The following DYNC2I1 variants were observed in gnomAD, a reference collection of about 807,000 sequenced individuals.
DYNC2I1 encodes the protein dynein 2 intermediate chain 1.
Under a neutral mutation model 133.4 loss-of-function variants are expected in DYNC2I1, and 89 were observed. That is an observed-to-expected ratio of 0.67 (90% CI 0.56 to 0.80). The LOEUF (loss-of-function observed/expected upper bound fraction) is 0.80. DYNC2I1 is among the 30% of genes least tolerant of loss of function. The pLI, the probability that DYNC2I1 is intolerant of heterozygous loss-of-function variation, is 0.00. For synonymous variants in DYNC2I1, 504 were observed against 484.3 expected, an observed-to-expected ratio of 1.04 and a Z score of -0.54; for missense variants, 1,291 against 1,314.5, an observed-to-expected ratio of 0.98 and a Z score of 0.28.
chr7:158,889,698 C>A (rs1585047465), intron 7 of DYNC2I1, among the ~76,000 whole-genome samples: 1 of 151,674 alleles, frequency 6.6e-6, no homozygotes, highest in Admixed American at 6.6e-5. Context: ...ATAAAAACAA[C>A]AACAACAACA....
chr7:158,950,770 A>G (rs2730211), downstream of DYNC2I1, among the ~76,000 whole-genome samples: 9 of 61,340 alleles, frequency 1.5e-4, no homozygotes, highest in Admixed American at 5.4e-4. Flanking sequence ...GCCTCTATAC[A>G]ATTCCAGGTG....
rs115070314 is a variant in DYNC2I1 at position 158,926,428 on chromosome 7, G to A, written c.2398G>A (p.Ala800Thr). Reference sequence around the variant, plus strand: ...AATGTCAGGTTTGTCCTTCCACATCGCTTCCTTGGATGAGAGTGGGGTTCT... The same window carrying A: ...AATGTCAGGTTTGTCCTTCCACATCACTTCCTTGGATGAGAGTGGGGTTCT... ...EEMSGLSFHIASLDESGVLNV... is the reference protein window; with the variant it reads ...EEMSGLSFHITSLDESGVLNV... Residue 800 changes from alanine to threonine, a missense_variant, in exon 19 of 25, where the codon GCT becomes ACT. Coordinates refer to ENST00000407559, the MANE Select transcript of DYNC2I1 (RefSeq NM_018051.5). 2.8e-4 allele frequency: 451 copies of A among 1,613,324 alleles called. 1 individual carries two copies. Among genetic ancestry groups the A allele is most frequent in the African/African-American group, 1.2e-3 (88 of 75,028 alleles).
intron 1 of DYNC2I1, among the ~76,000 whole-genome samples, chr7:158,864,701 T>A (rs1293510745): frequency 6.6e-6 from 1 of 151,978 alleles, no homozygotes; most frequent in East Asian, 1.9e-4. Flanking sequence ...AGATGGGGTC[T>A]TGCTGTGTTG....
rs1259230058 is a variant in DYNC2I1, at chr7:158,896,985, C to CTTT, written c.1060-4740_1060-4738dup. The stretch of plus-strand genomic sequence containing the variant: ...GAGAGTGTAAAGAATTGTATAATTT[C>CTTT]TTTTTTTTTTTTTTTTGAGACAGAG... On this transcript the variant is annotated intron_variant, in intron 8 of 24. Transcript: ENST00000407559. Among the ~76,000 whole-genome samples, 108 of 131,208 alleles carry CTTT rather than the reference C, an allele frequency of 8.2e-4. 1 individual carries two copies. Among genetic ancestry groups the CTTT allele is most frequent in the African/African-American group, 2.9e-3 (103 of 35,372 alleles). The allele number at this position is 131,208 out of a possible 152,430, so 86.1% of individuals were successfully genotyped here.
intron 1 of DYNC2I1, among the ~76,000 whole-genome samples, chr7:158,863,224 T>G (rs1252864408): frequency 6.6e-6 from 1 of 152,014 alleles, no homozygotes; most frequent in East Asian, 1.9e-4. Flanking sequence ...TAGTGCATTT[T>G]TACAGAGTGC....
rs1376078685 is a variant in DYNC2I1, at chr7:158,934,541, A to G, written c.2770A>G (p.Ile924Val). 9.7e-6 allele frequency: 15 copies of G among 1,551,912 alleles called. No homozygotes were observed. The highest frequency in any genetic ancestry group is 4.9e-5 in the East Asian group (2 of 41,086). ...VIDFSPFGEP[I>V]FLAGCSDGSI... Reference sequence around the variant, plus strand: ...TGATTTTTCACCATTTGGAGAACCAATATTTTTGGTAAGAAAGTTTGTTTT... The same window carrying G: ...TGATTTTTCACCATTTGGAGAACCAGTATTTTTGGTAAGAAAGTTTGTTTT... Residue 924 changes from isoleucine (I) to valine (V), a missense_variant, in exon 23 of 25, where the codon ATA (isoleucine) becomes GTA (valine). By Grantham distance (29) the Ile-to-Val change is conservative. Transcript: ENST00000407559.
At chr7:158,911,718 G>C in intron 12 of DYNC2I1, 39 bp downstream of exon 12, 1 of 1,573,910 alleles carries the variant, frequency 6.4e-7, no homozygotes. Context: ...TAAAATGCAA[G>C]TAAAGTCTAG....
At chr7:158,931,340 A>G (rs528472592) in intron 21 of DYNC2I1, among the ~76,000 whole-genome samples, 4 of 152,246 alleles carry the variant, frequency 2.6e-5, no homozygotes, top group East Asian at 1.9e-4. Context: ...TAATCAGAAA[A>G]CCTGTGGGTT....
downstream of DYNC2I1, among the ~76,000 whole-genome samples, chr7:158,946,491 TGCCCTCTGCTTTCCGCAGTACCTCATG>T (rs1324085067): frequency 6.6e-6 from 1 of 152,252 alleles, no homozygotes; most frequent in Non-Finnish European, 1.5e-5. Context: ...TCTGGTCAGC[TGCCCTCTGCTTTCCGCAGTACCTCATG>T]GCTGTGCCCT....
In DYNC2I1 at chr7:158,860,356, G is replaced by A. The variant is rs28676650; in HGVS notation, c.15+3606G>A. Among the ~76,000 whole-genome samples the A allele has an allele frequency of 3.6e-3, 548 of 152,298 alleles. 9 individuals are homozygous for A. Among genetic ancestry groups the A allele is most frequent in the African/African-American group, 0.012 (494 of 41,582 alleles). On this transcript the variant is annotated intron_variant, in intron 1 of 24. Coordinates refer to ENST00000407559, the MANE Select transcript of DYNC2I1 (RefSeq NM_018051.5). ...TTACAGGCGTGAGCCATCTCACCCCGCTGGTATTATAGCTTTTAGTATACA... is the reference window on the plus strand; with the variant it reads ...TTACAGGCGTGAGCCATCTCACCCCACTGGTATTATAGCTTTTAGTATACA...
intron 5 of DYNC2I1, among the ~76,000 whole-genome samples, chr7:158,883,668 T>A (rs1403090782): frequency 1.4e-5 from 2 of 143,136 alleles, no homozygotes; most frequent in African/African-American, 5.2e-5. Flanking sequence ...CTTTTTTTTT[T>A]TTTTTTTTTT....
At chr7:158,866,270 C>T (rs991876808) in intron 1 of DYNC2I1, among the ~76,000 whole-genome samples, 30 of 151,978 alleles carry the variant, frequency 2.0e-4, no homozygotes, top group Admixed American at 1.6e-3. Context: ...GGTGTCCCCT[C>T]TCTGTGGTGC....
chr7:158,856,887 G>T (rs1841300826), intron 1 of DYNC2I1, 137 bp downstream of exon 1: 2 of 1,042,552 alleles, frequency 1.9e-6, no homozygotes, highest in East Asian at 6.7e-5. Flanking sequence ...GAGGAGCCGC[G>T]GTGCCTCCGA....
chr7:158,934,584 C>CT (rs1339703319), intron 23 of DYNC2I1, 35 bp downstream of exon 23: 13 of 1,545,394 alleles, frequency 8.4e-6, no homozygotes, highest in South Asian at 7.2e-5. Flanking sequence ...TCCAATTCTT[C>CT]TTTTTTTGTT....
At position 158,931,569 on chromosome 7, in the gene DYNC2I1, T is replaced by G. The variant is rs2129487623; in HGVS notation, c.2546+1054T>G. 1.3e-5 allele frequency among the ~76,000 whole-genome samples: 2 copies of G among 152,342 alleles called. 1 individual carries two copies. The highest frequency in any genetic ancestry group is 4.1e-4 in the South Asian group (2 of 4,822). ...CGACTTTTTATCTCTGCTAGGGCCC[T>G]TATTGCTTTATATGGTGCATTGTAT... On this transcript the variant is annotated intron_variant, in intron 21 of 24. Coordinates refer to ENST00000407559, the MANE Select transcript of DYNC2I1 (RefSeq NM_018051.5).
chr7:158,866,220 G>A (rs188497469), intron 1 of DYNC2I1, among the ~76,000 whole-genome samples: 4 of 152,056 alleles, frequency 2.6e-5, no homozygotes, highest in Admixed American at 2.6e-4. Context: ...CCTGTGTGCA[G>A]CGCCCACGTC....
At chr7:158,856,878 A>T (rs1431089582) in intron 1 of DYNC2I1, 128 bp downstream of exon 1, 2 of 1,111,600 alleles carry the variant, frequency 1.8e-6, no homozygotes, top group Non-Finnish European at 2.3e-6. Flanking sequence ...GGCTTCCCGG[A>T]GGAGCCGCGG....
rs375082266 is a variant in DYNC2I1, at chr7:158,871,543, G to C, written c.471G>C (p.Ala157=). ...GCGACCGGCAGCTCCTGGAGCGGGC[G>C]GAGAGGAAAGGCCGCTCAGGTGGGT... ...ETRDRQLLER[A]ERKGRSVSKV... is the part of the protein sequence containing the mutation. The change falls in exon 3 of 25, where the codon GCG becomes GCC. Residue 157 remains alanine, a synonymous_variant. Coordinates refer to ENST00000407559, the MANE Select transcript of DYNC2I1 (RefSeq NM_018051.5). The C allele has an allele frequency of 4.2e-5, 64 of 1,539,706 alleles. No homozygotes were observed. In the African/African-American group the frequency reaches 8.1e-4, roughly 20 times the overall value.
intron 17 of DYNC2I1, among the ~76,000 whole-genome samples, chr7:158,925,392 T>C (rs980916086): frequency 1.3e-5 from 2 of 152,220 alleles, no homozygotes; most frequent in East Asian, 1.9e-4. Context: ...TGTTTTGATA[T>C]GTTTCCAGAT....
Sources: allele counts gnomAD v4.1 joint callset (sites outside exome capture counted in the v4.1 genomes callset), GRCh38; gene constraint gnomAD v4.1.1; transcripts MANE v1.5; gene names NCBI Gene and HGNC (gene_info 2026-07-23, HGNC 2026-07-21).